Variants in PCDH9 observed in about 807,000 individuals in gnomAD.
PCDH9 encodes the protein protocadherin-9.
PCDH9 carries 24 observed loss-of-function variants against 70.6 expected under a neutral mutation model. That is an observed-to-expected ratio of 0.34 (90% CI 0.25 to 0.48). The LOEUF is 0.48. PCDH9 is among the 20% of genes least tolerant of loss of function. The pLI is 0.99. For synonymous variants in PCDH9, 562 were observed against 558.5 expected, an observed-to-expected ratio of 1.01 and a Z score of -0.09; for missense variants, 1,281 against 1,503.6, an observed-to-expected ratio of 0.85 and a Z score of 2.45.
intron 2 of PCDH9, among the ~76,000 whole-genome samples, chr13:67,073,998 C>T (rs1003594073): frequency 2.0e-5 from 3 of 151,996 alleles, no homozygotes; most frequent in African/African-American, 7.2e-5. Flanking sequence ...AAGACTAGGT[C>T]CATATCCTTT....
intron 3 of PCDH9, among the ~76,000 whole-genome samples, chr13:66,774,597 T>A (rs563923488): frequency 3.3e-5 from 5 of 152,180 alleles, no homozygotes; most frequent in African/African-American, 4.8e-5. Flanking sequence ...AAGAAACCCA[T>A]GTATTTATTG....
chr13:67,037,037 G>C (rs1265449373), intron 2 of PCDH9, among the ~76,000 whole-genome samples: 1 of 152,100 alleles, frequency 6.6e-6, no homozygotes, highest in Non-Finnish European at 1.5e-5. Context: ...TAGGCTGGAG[G>C]ATCTAGTTTT....
At chr13:66,754,471 G>T (rs2079510347) in intron 3 of PCDH9, among the ~76,000 whole-genome samples, 1 of 152,032 alleles carries the variant, frequency 6.6e-6, no homozygotes, top group African/African-American at 2.4e-5. Flanking sequence ...GTGTGACATT[G>T]TAGGATCAGG....
At chr13:66,671,386 T>C (rs1317150298) in intron 3 of PCDH9, among the ~76,000 whole-genome samples, 1 of 151,890 alleles carries the variant, frequency 6.6e-6, no homozygotes, top group East Asian at 1.9e-4. Flanking sequence ...GTTGGAACAG[T>C]TTGGAAAGAT....
At chr13:66,337,937 A>G (rs1419082709) in intron 4 of PCDH9, among the ~76,000 whole-genome samples, 2 of 152,122 alleles carry the variant, frequency 1.3e-5, no homozygotes, top group Admixed American at 1.3e-4. Context: ...AACATACACT[A>G]CAATGAGGGT....
rs189754996 is a variant in PCDH9, at chr13:66,810,882, T to C, written c.3138+92622A>G. Among the ~76,000 whole-genome samples, 775 of 152,036 alleles carry C rather than the reference T, an allele frequency of 5.1e-3. 7 individuals are homozygous for C. Among genetic ancestry groups the C allele is most frequent in the African/African-American group, 0.018 (759 of 41,560 alleles). ...TAGTGTTTCAACACAAGATATATGT[T>C]GCTATCTTCTTTTATGGATGAAGAA... is the stretch of plus-strand genomic sequence containing the variant. On this transcript the variant is annotated intron_variant, in intron 3 of 4. Coordinates refer to ENST00000377865, the MANE Select transcript of PCDH9 (RefSeq NM_203487.3).
At chr13:66,944,843 G>GTGTGTGTC (rs144598964) in intron 2 of PCDH9, among the ~76,000 whole-genome samples, 19,313 of 150,498 alleles carry the variant, frequency 0.13, 1,424 homozygotes, top group Non-Finnish European at 0.17. Context: ...GTGTGTGTGT[G>GTGTGTGTC]TGTGTGTGTG....
chr13:66,680,194 T>C (rs1252613326), intron 3 of PCDH9, among the ~76,000 whole-genome samples: 1 of 152,024 alleles, frequency 6.6e-6, no homozygotes, highest in Non-Finnish European at 1.5e-5. Flanking sequence ...CTTGGACTTC[T>C]GTGAAATTAA....
chr13:66,612,716 A>G (rs1276951380), intron 4 of PCDH9, among the ~76,000 whole-genome samples: 1 of 152,128 alleles, frequency 6.6e-6, no homozygotes, highest in African/African-American at 2.4e-5. Context: ...TGAGGTTTAC[A>G]GCGGGCAGGA....
At chr13:66,375,446 A>G (rs768772606) in intron 4 of PCDH9, among the ~76,000 whole-genome samples, 39 of 152,200 alleles carry the variant, frequency 2.6e-4, no homozygotes, top group Admixed American at 7.9e-4. Context: ...AACTTGTAGT[A>G]TATTTGCTCT....
intron 4 of PCDH9, 117 bp downstream of exon 4, chr13:66,631,093 A>G: frequency 1.5e-6 from 1 of 655,040 alleles, no homozygotes; most frequent in African/African-American, 1.8e-5. Flanking sequence ...ACAACAATAA[A>G]GCCAGCAAAA....
intron 3 of PCDH9, among the ~76,000 whole-genome samples, chr13:66,813,947 A>G (rs2080556825): frequency 6.6e-6 from 1 of 152,180 alleles, no homozygotes; most frequent in Admixed American, 6.5e-5. Context: ...TACCAGCAAG[A>G]AAGAGTACAG....
intron 2 of PCDH9, among the ~76,000 whole-genome samples, chr13:67,098,091 C>T (rs1010010790): frequency 1.3e-5 from 2 of 152,058 alleles, no homozygotes; most frequent in African/African-American, 4.8e-5. Flanking sequence ...ATCACTGGGA[C>T]ACTAAAAATA....
rs530069712 is a variant in PCDH9 at position 66,972,288 on chromosome 13, T to C, written c.3037-68683A>G. On this transcript the variant is annotated intron_variant, in intron 2 of 4. Coordinates refer to ENST00000377865, the MANE Select transcript of PCDH9 (RefSeq NM_203487.3). Reference sequence around the variant, plus strand: ...CTGTGTTAAACAGAATAATTAATTGTGTTTTTCTACCAAATATACAAGAAT... The same window carrying C: ...CTGTGTTAAACAGAATAATTAATTGCGTTTTTCTACCAAATATACAAGAAT... Among the ~76,000 whole-genome samples the C allele has an allele frequency of 3.1e-3, 473 of 152,078 alleles. 5 individuals carry two copies. Among genetic ancestry groups the C allele is most frequent in the African/African-American group, 0.011 (459 of 41,544 alleles).
intron 2 of PCDH9, chr13:67,220,058 C>G (rs2089690167): frequency 6.6e-6 from 1 of 151,640 alleles, no homozygotes; most frequent in African/African-American, 2.4e-5. Flanking sequence ...GCCCTGAAAC[C>G]CTGTAAACAC....
At chr13:66,427,356 T>C (rs559702773) in intron 4 of PCDH9, among the ~76,000 whole-genome samples, 1 of 151,918 alleles carries the variant, frequency 6.6e-6, no homozygotes, top group East Asian at 1.9e-4. Flanking sequence ...ATTTGACTTA[T>C]TAATAGGAAA....
chr13:66,991,887 T>G (rs1188215527), intron 2 of PCDH9, among the ~76,000 whole-genome samples: 2 of 152,160 alleles, frequency 1.3e-5, no homozygotes, highest in African/African-American at 4.8e-5. Flanking sequence ...TTCATGATAT[T>G]AAGAGAAGTC....
chr13:66,654,006 T>C (rs1448238139), intron 3 of PCDH9, among the ~76,000 whole-genome samples: 1 of 141,774 alleles, frequency 7.1e-6, no homozygotes, highest in Non-Finnish European at 1.5e-5. Context: ...AATCAGTATG[T>C]CAAAGAGACA....
intron 4 of PCDH9, among the ~76,000 whole-genome samples, chr13:66,513,929 T>C (rs942578346): frequency 4.6e-5 from 7 of 152,124 alleles, no homozygotes; most frequent in African/African-American, 1.7e-4. Flanking sequence ...GAAAGCTATT[T>C]CCTGGCAGTG....
Sources: gnomAD v4.1 joint callset for allele counts (sites outside exome capture counted in the v4.1 genomes callset) on GRCh38, gnomAD v4.1.1 for gene constraint, MANE v1.5 for transcripts, NCBI Gene and HGNC (gene_info 2026-07-23, HGNC 2026-07-21) for gene names.